PDE2A: variants seen among roughly 807,000 people sequenced by gnomAD.
PDE2A encodes the protein phosphodiesterase 2A, also known as cGMP-dependent 3',5'-cyclic phosphodiesterase.
Under a neutral mutation model 133.6 loss-of-function variants are expected in PDE2A, and 53 were observed. The ratio of observed to expected loss-of-function variants is 0.40; its 90% CI spans 0.32 to 0.50. The LOEUF is 0.50. Among genes scored for constraint, PDE2A ranks in the 20% least tolerant of loss-of-function variants. The probability of loss-of-function intolerance (pLI) is 0.73; values close to 1 mark genes in which losing one functional copy is unlikely to be tolerated. For missense variants in PDE2A, 796 were observed against 1,232.4 expected (o/e 0.65, Z 5.30); for synonymous variants, 491 against 490.2 (o/e 1.00, Z -0.02).
chr11:72,591,424 C>T, intron 6 of PDE2A, 68 bp from the exon 7 acceptor site: 1 of 1,215,494 alleles, frequency 8.2e-7, no homozygotes, highest in East Asian at 2.3e-5. Context: ...GAGTGCCCTC[C>T]CCATGCGCAG....
intron 4 of PDE2A, among the ~76,000 whole-genome samples, chr11:72,602,931 C>T (rs341088): frequency 0.5 from 76,528 of 152,050 alleles, 19,792 homozygotes; most frequent in East Asian, 0.74. Flanking sequence ...TCCGCCCTAA[C>T]TGTGGAGATG....
At chr11:72,650,882 C>T (rs1380419644) in intron 1 of PDE2A, among the ~76,000 whole-genome samples, 1 of 57,084 alleles carries the variant, frequency 1.8e-5, no homozygotes, top group African/African-American at 1.0e-4. Context: ...CCACTACACA[C>T]ACACACACAC....
At position 72,589,249 on chromosome 11, in the gene PDE2A, T is replaced by A; in HGVS notation, c.874-9A>T. 6.2e-7 allele frequency: 1 copy of A among 1,610,966 alleles called. No homozygotes were observed. Among genetic ancestry groups the A allele is most frequent in the Non-Finnish European group, 8.5e-7 (1 of 1,177,702 alleles). ...CCCAGGCATCCTGTCAACTAGGGGGTGAGGAGAGACTGAGTCAGGGCCCAG... is the reference window on the plus strand; with the variant it reads ...CCCAGGCATCCTGTCAACTAGGGGGAGAGGAGAGACTGAGTCAGGGCCCAG... On this transcript the variant is annotated splice_polypyrimidine_tract_variant and intron_variant, in intron 11 of 30. Coordinates refer to ENST00000334456, the MANE Select transcript of PDE2A (RefSeq NM_002599.5).
chr11:72,669,488 T>C (rs570112096), intron 1 of PDE2A, among the ~76,000 whole-genome samples: 2 of 152,102 alleles, frequency 1.3e-5, no homozygotes, highest in South Asian at 2.1e-4. Flanking sequence ...AGCTGAACAA[T>C]AGGAGATAAA....
chr11:72,607,906 C>T (rs968317730), intron 3 of PDE2A, among the ~76,000 whole-genome samples: 4 of 152,174 alleles, frequency 2.6e-5, no homozygotes, highest in Non-Finnish European at 4.4e-5. Context: ...AGGCTTCAAA[C>T]GTCCCCTGCT....
Position 72,609,821 on chromosome 11 carries a change from C to T in PDE2A, c.145-1070G>A, listed in dbSNP as rs940017125. 3.4e-5 allele frequency among the ~76,000 whole-genome samples: 5 copies of T among 145,796 alleles called. 1 individual carries two copies. The highest frequency in any genetic ancestry group is 7.4e-5 in the Admixed American group (1 of 13,514). ...TAACTGCAAGATGAAGGAGACATGG[C>T]TGGGTCCCCATTCATGTGAACATGA... is the stretch of plus-strand genomic sequence containing the variant. On this transcript the variant is annotated intron_variant, in intron 2 of 30. Transcript: ENST00000334456.
chr11:72,674,078 G>A, intron 1 of PDE2A, 59 bp downstream of exon 1: 1 of 1,548,156 alleles, frequency 6.5e-7, no homozygotes, highest in Non-Finnish European at 8.9e-7. Flanking sequence ...GGACTCCCAG[G>A]ACCCTGTCTG....
At chr11:72,613,421 AT>A (rs1857308303) in intron 2 of PDE2A, among the ~76,000 whole-genome samples, 1 of 151,258 alleles carries the variant, frequency 6.6e-6, no homozygotes, top group African/African-American at 2.4e-5. Context: ...GTCCTTCTAG[AT>A]CCCCCAGGAC....
intron 1 of PDE2A, among the ~76,000 whole-genome samples, chr11:72,673,129 C>T (rs975182277): frequency 6.6e-6 from 1 of 152,150 alleles, no homozygotes; most frequent in Admixed American, 6.5e-5. Context: ...AATACACACA[C>T]ATAAATGCAC....
rs77648473 is a variant in PDE2A, at chr11:72,591,602, T to C, written c.490-246A>G. 5.1e-3 allele frequency among the ~76,000 whole-genome samples: 779 copies of C among 152,320 alleles called. 3 individuals are homozygous for C. The highest frequency in any genetic ancestry group is 0.018 in the African/African-American group (743 of 41,570). ...TTTGTCTCTGCCTTTTCAATCACTGTCTCATCAAGAGCACAGTCCGGGTGT... is the reference window on the plus strand; with the variant it reads ...TTTGTCTCTGCCTTTTCAATCACTGCCTCATCAAGAGCACAGTCCGGGTGT... On this transcript the variant is annotated intron_variant, in intron 6 of 30. Transcript: ENST00000334456.
chr11:72,585,226 G>A, intron 16 of PDE2A, 145 bp downstream of exon 16: 1 of 740,038 alleles, frequency 1.4e-6, no homozygotes, highest in Non-Finnish European at 2.3e-6. Context: ...TAGCGAGGGA[G>A]ACAGGCATGA....
At chr11:72,608,158 G>A (rs1474340128) in intron 3 of PDE2A, among the ~76,000 whole-genome samples, 2 of 152,130 alleles carry the variant, frequency 1.3e-5, no homozygotes, top group African/African-American at 4.8e-5. Context: ...AAAGAAAGCT[G>A]CTAAAAGGCT....
At chr11:72,655,862 A>T in intron 1 of PDE2A, among the ~76,000 whole-genome samples, 1 of 152,208 alleles carries the variant, frequency 6.6e-6, no homozygotes, top group East Asian at 1.9e-4. Context: ...AAGGGAGTGC[A>T]GGCTATTCCC....
Position 72,590,551 on chromosome 11 carries a change from G to C in PDE2A, c.579C>G (p.Val193=). Residue 193 remains valine, a synonymous_variant, in exon 8 of 31, where the codon GTC becomes GTG. Transcript: ENST00000334456. This position sits in a 1 kb window ranked among gnomAD's most constrained non-coding sequence, Gnocchi z 4.8. ...HTLVALRRVQ[V]LQQRGPREAP... is the part of the protein sequence containing the mutation. ...CCTCCCTGGGCCCGCGCTGCTGCAG[G>C]ACCTGCACCCTCCGCAGGGCGACCA... 2 of 1,407,460 alleles carry C rather than the reference G, an allele frequency of 1.4e-6. No individual in the cohort carries two copies. The highest frequency in any genetic ancestry group is 1.8e-6 in the Non-Finnish European group (2 of 1,086,582). 87.2% of individuals were successfully genotyped at this position (1,407,460 alleles called of 1,614,324 possible).
intron 2 of PDE2A, among the ~76,000 whole-genome samples, chr11:72,623,209 A>G (rs1233813864): frequency 1.3e-5 from 2 of 152,034 alleles, no homozygotes; most frequent in Non-Finnish European, 2.9e-5. Flanking sequence ...ACTCACCCAC[A>G]GTGCCCAGCA....
intron 1 of PDE2A, among the ~76,000 whole-genome samples, chr11:72,671,257 T>C (rs879471715): frequency 1.1e-4 from 16 of 152,326 alleles, no homozygotes; most frequent in Admixed American, 5.2e-4. Context: ...CAGTGTCTGC[T>C]CTGTGTCCCC....
chr11:72,587,088 CT>C (rs954331149), intron 13 of PDE2A, among the ~76,000 whole-genome samples: 8 of 152,090 alleles, frequency 5.3e-5, no homozygotes, highest in African/African-American at 1.9e-4. Context: ...CACCTTCATG[CT>C]TTTTTTTCTA....
rs77402958 is a variant in PDE2A at position 72,600,074 on chromosome 11, T to C, written c.324-2455A>G. 4.6e-3 allele frequency among the ~76,000 whole-genome samples: 703 copies of C among 152,288 alleles called. 4 individuals carry two copies. The highest frequency in any genetic ancestry group is 0.016 in the African/African-American group (670 of 41,558). ...AAGATTGTGTGCCTGCTGAAAGGTA[T>C]GGCCACAAGGAGGTTGGTGTGACTG... is the stretch of plus-strand genomic sequence containing the variant. On this transcript the variant is annotated intron_variant, in intron 4 of 30. Coordinates refer to ENST00000334456, the MANE Select transcript of PDE2A (RefSeq NM_002599.5).
chr11:72,647,341 C>A (rs554577908), intron 1 of PDE2A, among the ~76,000 whole-genome samples: 1 of 152,240 alleles, frequency 6.6e-6, no homozygotes, highest in Non-Finnish European at 1.5e-5. Flanking sequence ...AAGGCTTTGG[C>A]CCTCCCTGGT....
Sources: gnomAD v4.1 joint callset for allele counts (sites outside exome capture counted in the v4.1 genomes callset) on GRCh38, gnomAD v4.1.1 for gene constraint, Gnocchi (gnomAD v3.1) non-coding constraint, MANE v1.5 for transcripts, NCBI Gene and HGNC (gene_info 2026-07-23, HGNC 2026-07-21) for gene names.